The following CPLANE1 variants were observed in gnomAD, a reference collection of about 807,000 sequenced individuals.
CPLANE1 encodes the protein ciliogenesis and planar polarity effector complex subunit 1, also known as ciliogenesis and planar polarity effector 1.
Under a neutral mutation model 362.5 loss-of-function variants are expected in CPLANE1, and 263 were observed. The observed-to-expected ratio is 0.73, with a 90% CI of 0.66 to 0.80. CPLANE1 has a LOEUF of 0.80. CPLANE1 is among the 30% of genes least tolerant of loss of function. The probability of loss-of-function intolerance (pLI) is 0.00; values close to 1 mark genes in which losing one functional copy is unlikely to be tolerated. For missense variants in CPLANE1, 3,461 were observed against 3,793.4 expected (o/e 0.91, Z 2.30); for synonymous variants, 1,212 against 1,302.6 (o/e 0.93, Z 1.50).
intron 21 of CPLANE1, among the ~76,000 whole-genome samples, chr5:37,192,591 A>G (rs767904678): frequency 6.6e-5 from 10 of 152,164 alleles, no homozygotes; most frequent in African/African-American, 1.9e-4. Context: ...CTGGCCAGGC[A>G]CGGTGGCTCA....
At chr5:37,211,328 A>C in intron 16 of CPLANE1, 1 of 1,505,900 alleles carries the variant, frequency 6.6e-7, no homozygotes, top group Non-Finnish European at 8.9e-7. Context: ...ACCATCGGAG[A>C]GACATTAAAA....
chr5:37,224,863 A>T (rs185298146), intron 12 of CPLANE1, 123 bp from the exon 13 acceptor site: 15 of 595,114 alleles, frequency 2.5e-5, no homozygotes, highest in African/African-American at 2.1e-4. Flanking sequence ...ATACAAACTG[A>T]TCACATTTAA....
chr5:37,102,044 T>C (rs1579710865), downstream of CPLANE1, among the ~76,000 whole-genome samples: 3 of 151,876 alleles, frequency 2.0e-5, 1 homozygote, highest in Admixed American at 2.0e-4. Flanking sequence ...AAAAAACAAC[T>C]CCTGGATTAA....
intron 16 of CPLANE1, among the ~76,000 whole-genome samples, chr5:37,213,035 C>A (rs1793068597): frequency 6.6e-6 from 1 of 152,048 alleles, no homozygotes; most frequent in Admixed American, 6.6e-5. Flanking sequence ...GTGGTGAAAC[C>A]CTGTCTCTAC....
chr5:37,222,239 A>G (rs1289035840), intron 14 of CPLANE1, among the ~76,000 whole-genome samples: 1 of 152,194 alleles, frequency 6.6e-6, no homozygotes, highest in Non-Finnish European at 1.5e-5. Flanking sequence ...GATTCAAGAG[A>G]TAACATTGTA....
At chr5:37,245,378 T>C (rs571739850) in intron 4 of CPLANE1, 101 bp downstream of exon 4, 2 of 618,010 alleles carry the variant, frequency 3.2e-6, no homozygotes, top group African/African-American at 2.0e-5. Context: ...CATATGCACA[T>C]ACACAGAAAT....
At chr5:37,195,370 G>A (rs1390180104) in intron 21 of CPLANE1, among the ~76,000 whole-genome samples, 1 of 152,166 alleles carries the variant, frequency 6.6e-6, no homozygotes, top group Non-Finnish European at 1.5e-5. Context: ...GGAGGCCAAG[G>A]CAGGTAGACT....
At chr5:37,110,108 TTC>T (rs1298084648) in intron 51 of CPLANE1, among the ~76,000 whole-genome samples, 1 of 151,748 alleles carries the variant, frequency 6.6e-6, no homozygotes, top group African/African-American at 2.4e-5. Flanking sequence ...CCGTCTTCTG[TTC>T]TTTCTTTCCA....
Position 37,201,674 on chromosome 5 carries a change from T to G in CPLANE1, c.3424A>C (p.Lys1142Gln). ...AATGGCACTAAGCCCCACAGTCTTT[T>G]ACTGAAGTCCTTGGCAGAGTCTATC... is the stretch of plus-strand genomic sequence containing the variant. Reference protein sequence around the residue: ...LLIDSAKDFSKRLWGLVPFGL... With the variant: ...LLIDSAKDFSQRLWGLVPFGL... The change falls in exon 19 of 53, where the codon AAA (lysine) becomes CAA (glutamine). Residue 1142 changes from lysine (K) to glutamine (Q), a missense_variant. Around this residue, in one of 2 missense-constraint regions of CPLANE1, gnomAD observed 3,380 missense variants for 3,666.1 expected, o/e 0.92. Coordinates refer to ENST00000651892, the MANE Select transcript of CPLANE1 (RefSeq NM_001384732.1). 3.7e-6 allele frequency: 6 copies of G among 1,614,202 alleles called. No homozygotes were observed. Among genetic ancestry groups the G allele is most frequent in the Non-Finnish European group, 5.1e-6 (6 of 1,180,014 alleles).
At chr5:37,121,079 T>A (rs1762482248) in intron 49 of CPLANE1, among the ~76,000 whole-genome samples, 1 of 152,222 alleles carries the variant, frequency 6.6e-6, no homozygotes, top group Non-Finnish European at 1.5e-5. Flanking sequence ...TATACTTGGG[T>A]AGTTTTCTTC....
chr5:37,180,301 A>T (rs188063750), intron 27 of CPLANE1, 118 bp from the exon 28 acceptor site: 1 of 479,508 alleles, frequency 2.1e-6, no homozygotes, highest in East Asian at 3.7e-5. Context: ...GCTGGAGTGC[A>T]ATGGCGCAAT....
intron 21 of CPLANE1, among the ~76,000 whole-genome samples, chr5:37,193,179 GACA>G (rs140733498): frequency 0.043 from 6,420 of 150,536 alleles, 461 homozygotes; most frequent in African/African-American, 0.15. Flanking sequence ...AAAAAAAAAC[GACA>G]ACAACAACAA....
chr5:37,159,708 A>C (rs1776333506), intron 38 of CPLANE1, among the ~76,000 whole-genome samples: 1 of 152,196 alleles, frequency 6.6e-6, no homozygotes, highest in South Asian at 2.1e-4. Flanking sequence ...AAACCACTTA[A>C]AACTAGAAAA....
intron 52 of CPLANE1, among the ~76,000 whole-genome samples, 195 bp from the exon 53 acceptor site, chr5:37,107,973 A>G (rs1194739577): frequency 2.0e-5 from 3 of 152,194 alleles, no homozygotes; most frequent in Non-Finnish European, 2.9e-5. Flanking sequence ...GCTGAACATC[A>G]TCTCACACAA....
rs1406357572 is a variant in CPLANE1 at position 37,227,378 on chromosome 5, T to G, written c.1386A>C (p.Gly462=). 3.9e-6 allele frequency: 6 copies of G among 1,531,516 alleles called. No individual in the cohort carries two copies. The highest frequency in any genetic ancestry group is 5.3e-6 in the Non-Finnish European group (6 of 1,139,628). 94.9% of individuals were successfully genotyped at this position (1,531,516 alleles called of 1,614,324 possible). Residue 462 remains glycine, a synonymous_variant, in exon 11 of 53, where the codon GGA becomes GGC. Transcript: ENST00000651892. ...GGGAATTCAGTGATCGCAAGTTCAG[T>G]CCTTTGCCTTTTGGCTAAAGAAGAA... is the stretch of plus-strand genomic sequence containing the variant. ...SVILSKPKGK[G]LNLRSLNSLR... is the part of the protein sequence containing the mutation.
At chr5:37,221,091 T>G (rs1795253707) in intron 15 of CPLANE1, among the ~76,000 whole-genome samples, 1 of 152,200 alleles carries the variant, frequency 6.6e-6, no homozygotes, top group Non-Finnish European at 1.5e-5. Context: ...AAATCCAACA[T>G]AATATACTTA....
intron 18 of CPLANE1, among the ~76,000 whole-genome samples, chr5:37,203,484 G>A (rs990970467): frequency 2.6e-5 from 4 of 152,080 alleles, no homozygotes; most frequent in African/African-American, 7.2e-5. Flanking sequence ...TTATGAAAAA[G>A]TTGCTATAAA....
At chr5:37,239,469 G>A (rs968630786) in intron 7 of CPLANE1, among the ~76,000 whole-genome samples, 12 of 151,440 alleles carry the variant, frequency 7.9e-5, no homozygotes, top group Middle Eastern at 3.2e-3. Flanking sequence ...TATGGTCTCA[G>A]CTACTTGGGG....
intron 42 of CPLANE1, among the ~76,000 whole-genome samples, chr5:37,150,718 T>C (rs1773283594): frequency 2.6e-5 from 4 of 152,232 alleles, no homozygotes. Flanking sequence ...GGTTATTTCC[T>C]GCCATGGATA....
Sources: allele counts gnomAD v4.1 joint callset (sites outside exome capture counted in the v4.1 genomes callset), GRCh38; gene constraint gnomAD v4.1.1; regional missense constraint gnomAD v4.1.1; transcripts MANE v1.5; gene names NCBI Gene and HGNC (gene_info 2026-07-23, HGNC 2026-07-21).